The following DOCK7 variants were observed in gnomAD, a reference collection of about 807,000 sequenced individuals.
The protein encoded by DOCK7 is dedicator of cytokinesis 7.
Under a neutral mutation model 271.0 loss-of-function variants are expected in DOCK7, and 138 were observed. That is an observed-to-expected ratio of 0.51 (90% CI 0.44 to 0.59). The LOEUF (loss-of-function observed/expected upper bound fraction) is 0.59. Ranked by LOEUF, DOCK7 falls within the 20% of genes least tolerant of loss-of-function variation. The pLI, the probability that DOCK7 is intolerant of heterozygous loss-of-function variation, is 0.00. For synonymous variants in DOCK7, 823 were observed against 876.1 expected (o/e 0.94, Z 1.07); for missense variants, 2,066 against 2,592.4 (o/e 0.80, Z 4.41).
chr1:62,474,141 G>A lies in DOCK7; in HGVS notation c.6106-53C>T, dbSNP rs1645907203. The A allele has an allele frequency of 6.2e-6, 9 of 1,461,178 alleles. No homozygotes were observed. In the Admixed American group the frequency reaches 9.4e-5, roughly 15 times the overall value. The allele number at this position is 1,461,178 out of a possible 1,614,324, so 90.5% of individuals were successfully genotyped here. A position where few individuals can be genotyped will look rare whatever the true frequency, so the allele number is the denominator to read the frequency against. Reference sequence around the variant, plus strand: ...TTTTTTTGTTATCTCTAAAATCACAGAGACAGAATTTACTCAAATGATTTT... The same window carrying A: ...TTTTTTTGTTATCTCTAAAATCACAAAGACAGAATTTACTCAAATGATTTT... On this transcript the variant is annotated intron_variant, in intron 47 of 49. Coordinates refer to ENST00000635253, the MANE Select transcript of DOCK7 (RefSeq NM_001367561.1).
chr1:62,602,141 A>G (rs1294936696), intron 14 of DOCK7: 1 of 719,380 alleles, frequency 1.4e-6, no homozygotes, highest in East Asian at 2.7e-5. Flanking sequence ...TTTTGGGACC[A>G]TAATAAATAA....
chr1:62,688,375 G>A lies in DOCK7; in HGVS notation c.-111C>T, dbSNP rs1662111832. The A allele has an allele frequency of 1.5e-6, 1 of 672,256 alleles. No individual in the cohort carries two copies. The highest frequency in any genetic ancestry group is 2.0e-6 in the Non-Finnish European group (1 of 499,532). The allele number at this position is 672,256 out of a possible 1,614,324, so 41.6% of individuals were successfully genotyped here. A position where few individuals can be genotyped will look rare whatever the true frequency, so the allele number is the denominator to read the frequency against. ...CTCCCTCGCGGCCTCCGCCAGTCCG[G>A]GCTCCGGACCTGGGAGGCTGGGGCT... On this transcript the variant is annotated 5_prime_UTR_variant, in exon 1 of 50. Coordinates refer to ENST00000635253, the MANE Select transcript of DOCK7 (RefSeq NM_001367561.1).
chr1:62,604,190 G>T (rs1236283239), intron 14 of DOCK7: 1 of 1,613,260 alleles, frequency 6.2e-7, no homozygotes, highest in Non-Finnish European at 8.5e-7. Context: ...TTCTACTTGG[G>T]ATCACAAAGC....
At chr1:62,643,149 A>G (rs1475238180) in intron 7 of DOCK7, among the ~76,000 whole-genome samples, 3 of 152,186 alleles carry the variant, frequency 2.0e-5, no homozygotes, top group African/African-American at 7.2e-5. Context: ...CAACTGCCAA[A>G]TATATAAAAG....
chr1:62,588,478 A>G (rs1450845416), intron 14 of DOCK7, among the ~76,000 whole-genome samples: 5 of 152,174 alleles, frequency 3.3e-5, no homozygotes, highest in Non-Finnish European at 5.9e-5. Flanking sequence ...TGTTGAAGAA[A>G]GTGAAGTTTC....
At chr1:62,494,664 T>G (rs916745549) in intron 39 of DOCK7, 197 bp from the exon 40 acceptor site, 8 of 289,744 alleles carry the variant, frequency 2.8e-5, no homozygotes, top group Admixed American at 5.2e-5. Context: ...TATCAGTTGG[T>G]GGGGGGGGCA....
At chr1:62,674,079 C>A (rs1660294597) in intron 1 of DOCK7, among the ~76,000 whole-genome samples, 1 of 152,090 alleles carries the variant, frequency 6.6e-6, no homozygotes, top group South Asian at 2.1e-4. Context: ...CAAAAAACTA[C>A]TAGAAATACT....
At chr1:62,504,085 T>C (rs912257748) in intron 37 of DOCK7, among the ~76,000 whole-genome samples, 3 of 149,020 alleles carry the variant, frequency 2.0e-5, no homozygotes, top group African/African-American at 7.4e-5. Flanking sequence ...ACTCTTTGGG[T>C]TAAAAAGAAA....
chr1:62,604,314 A>C, intron 14 of DOCK7: 1 of 1,546,836 alleles, frequency 6.5e-7, no homozygotes, highest in Non-Finnish European at 8.8e-7. Context: ...ATCTGCAATG[A>C]CAACTTTTAA....
intron 48 of DOCK7, among the ~76,000 whole-genome samples, chr1:62,471,202 C>T (rs1438148507): frequency 6.6e-6 from 1 of 152,088 alleles, no homozygotes; most frequent in East Asian, 1.9e-4. Context: ...ATCAGTAAGG[C>T]TTCCAGTCAA....
At chr1:62,538,788 T>C (rs1191890406) in intron 27 of DOCK7, among the ~76,000 whole-genome samples, 2 of 152,220 alleles carry the variant, frequency 1.3e-5, no homozygotes, top group Admixed American at 6.5e-5. Context: ...AACTAATCTG[T>C]AGACCAGTTG....
In DOCK7 at chr1:62,625,310, G is replaced by A. The variant is rs1653801882; in HGVS notation, c.1374C>T (p.Asn458=). ...ERTTSGDDAC[N]LTSFRPATLT... ...GAGTAGCTGGTCGAAAGCTCGTCAA[G>A]TTACAAGCATCATCTCCACTTGTTG... Residue 458 remains asparagine (N), a synonymous_variant, in exon 12 of 50, where the codon AAC becomes AAT. Coordinates refer to ENST00000635253, the MANE Select transcript of DOCK7 (RefSeq NM_001367561.1). The A allele has an allele frequency of 6.2e-7, 1 of 1,613,810 alleles. No individual in the cohort carries two copies. The highest frequency in any genetic ancestry group is 1.1e-5 in the South Asian group (1 of 91,064).
chr1:62,514,644 GATA>G (rs1204292613), intron 31 of DOCK7, among the ~76,000 whole-genome samples: 9 of 151,560 alleles, frequency 5.9e-5, no homozygotes, highest in Admixed American at 1.3e-4. Flanking sequence ...AAATACAGAT[GATA>G]ATAATAATAA....
intron 8 of DOCK7, 29 bp downstream of exon 8, chr1:62,636,508 A>G (rs1655289620): frequency 3.9e-6 from 6 of 1,535,474 alleles, no homozygotes; most frequent in African/African-American, 1.4e-5. Context: ...ATTATGACAA[A>G]TAACTATGGT....
At chr1:62,640,328 A>C (rs1655849740) in intron 7 of DOCK7, among the ~76,000 whole-genome samples, 1 of 152,008 alleles carries the variant, frequency 6.6e-6, no homozygotes, top group Non-Finnish European at 1.5e-5. Context: ...CCTGGCCAAC[A>C]TGGCCAACAT....
At chr1:62,524,994 C>T (rs556861632) in intron 31 of DOCK7, among the ~76,000 whole-genome samples, 91 of 139,318 alleles carry the variant, frequency 6.5e-4, no homozygotes, top group African/African-American at 1.3e-3. Context: ...CAAACTTAGA[C>T]GGTAAAACTC....
chr1:62,657,200 A>C (rs1044189696), intron 2 of DOCK7, among the ~76,000 whole-genome samples: 4 of 152,182 alleles, frequency 2.6e-5, no homozygotes, highest in Non-Finnish European at 5.9e-5. Flanking sequence ...CTTGGGTGTC[A>C]GTGGTGGCCA....
Position 62,553,517 on chromosome 1 carries a change from C to T in DOCK7, c.2597-616G>A, listed in dbSNP as rs1425979156. 1.3e-5 allele frequency among the ~76,000 whole-genome samples: 2 copies of T among 149,840 alleles called. 1 individual carries two copies. The highest frequency in any genetic ancestry group is 4.9e-5 in the African/African-American group (2 of 40,652). On this transcript the variant is annotated intron_variant, in intron 21 of 49. Transcript: ENST00000635253. ...CTGAGTAGCTAGGACTACAGGCACACACCACCATGCCCGGGTAAATTTCTC... is the reference window on the plus strand; with the variant it reads ...CTGAGTAGCTAGGACTACAGGCACATACCACCATGCCCGGGTAAATTTCTC...
intron 31 of DOCK7, among the ~76,000 whole-genome samples, chr1:62,525,876 G>A (rs2149365076): frequency 6.6e-6 from 1 of 152,320 alleles, no homozygotes; most frequent in Middle Eastern, 3.4e-3. Context: ...TTGTAAATCA[G>A]ATAGCTGATT....
Sources: allele counts gnomAD v4.1 joint callset (sites outside exome capture counted in the v4.1 genomes callset), GRCh38; gene constraint gnomAD v4.1.1; transcripts MANE v1.5; gene names NCBI Gene and HGNC (gene_info 2026-07-23, HGNC 2026-07-21).